The following KCNH7 variants were observed in gnomAD, a reference collection of about 807,000 sequenced individuals.
KCNH7 encodes the protein voltage-gated inwardly rectifying potassium channel KCNH7.
KCNH7 carries 49 observed loss-of-function variants against 120.8 expected under a neutral mutation model. The ratio of observed to expected loss-of-function variants is 0.41; its 90% CI spans 0.32 to 0.51. KCNH7 has a LOEUF of 0.51. Among genes scored for constraint, KCNH7 ranks in the 20% least tolerant of loss-of-function variants. The pLI is 0.38. For missense variants in KCNH7, 1,097 were observed against 1,446.6 expected, an observed-to-expected ratio of 0.76 and a Z score of 3.92; for synonymous variants, 547 against 516.1, an observed-to-expected ratio of 1.06 and a Z score of -0.81.
At position 162,568,170 on chromosome 2, in the gene KCNH7, C is replaced by A. The variant is rs1048675144; in HGVS notation, c.308-31090G>T. On this transcript the variant is annotated intron_variant, in intron 2 of 15. Coordinates refer to ENST00000332142, the MANE Select transcript of KCNH7 (RefSeq NM_033272.4). ...CCAGACTCTCATAAAGCCATCAGAT[C>A]CTGTGTGACTCACTCACTATCACGA... Among the ~76,000 whole-genome samples, 12 of 151,934 alleles carry A rather than the reference C, an allele frequency of 7.9e-5. No individual in the cohort carries two copies. The South Asian group carries it at 8.3e-4, about 11-fold the overall frequency.
At chr2:162,706,178 C>T (rs1686694544) in intron 2 of KCNH7, among the ~76,000 whole-genome samples, 1 of 152,090 alleles carries the variant, frequency 6.6e-6, no homozygotes, top group African/African-American at 2.4e-5. Context: ...GATGTCTTAG[C>T]CAACCTAGTA....
chr2:162,624,152 T>C (rs1053917897), intron 2 of KCNH7, among the ~76,000 whole-genome samples: 2 of 152,156 alleles, frequency 1.3e-5, no homozygotes, highest in African/African-American at 4.8e-5. Context: ...CATGACTCAA[T>C]GACCCAGGAT....
chr2:162,377,393 G>A (rs766332168), intron 14 of KCNH7, among the ~76,000 whole-genome samples: 16 of 152,230 alleles, frequency 1.1e-4, no homozygotes, highest in Non-Finnish European at 2.1e-4. Context: ...ATTTATATGG[G>A]AATACGCAAC....
chr2:162,813,633 C>G (rs1267536791), intron 2 of KCNH7, among the ~76,000 whole-genome samples: 3 of 152,192 alleles, frequency 2.0e-5, no homozygotes, highest in African/African-American at 7.2e-5. Flanking sequence ...ACAATTCACT[C>G]AAATTTCTAC....
chr2:162,757,333 A>G (rs1425500318), intron 2 of KCNH7, among the ~76,000 whole-genome samples: 12 of 152,178 alleles, frequency 7.9e-5, no homozygotes, highest in Admixed American at 7.9e-4. Flanking sequence ...CCCAACATGT[A>G]TTGAAAAAGC....
At chr2:162,388,658 A>G (rs1275154270) in intron 12 of KCNH7, among the ~76,000 whole-genome samples, 1 of 151,964 alleles carries the variant, frequency 6.6e-6, no homozygotes, top group Non-Finnish European at 1.5e-5. Flanking sequence ...TAATAAAACC[A>G]GAATAGAATT....
At chr2:162,670,136 A>G (rs957070921) in intron 2 of KCNH7, among the ~76,000 whole-genome samples, 1 of 151,472 alleles carries the variant, frequency 6.6e-6, no homozygotes, top group Non-Finnish European at 1.5e-5. Flanking sequence ...TTGACTCCCA[A>G]AAGAATGTTT....
intron 13 of KCNH7, among the ~76,000 whole-genome samples, chr2:162,384,275 G>C (rs1686509961): frequency 6.6e-6 from 1 of 151,900 alleles, no homozygotes; most frequent in Non-Finnish European, 1.5e-5. Context: ...ATGTATTATA[G>C]TGTGATTGCA....
chr2:162,443,968 G>T (rs1223878843), intron 7 of KCNH7, among the ~76,000 whole-genome samples: 1 of 152,152 alleles, frequency 6.6e-6, no homozygotes, highest in African/African-American at 2.4e-5. Flanking sequence ...TGTGTGAAAT[G>T]CTCTGCACGG....
chr2:162,769,171 A>G (rs1682942604), intron 2 of KCNH7, among the ~76,000 whole-genome samples: 1 of 152,182 alleles, frequency 6.6e-6, no homozygotes, highest in East Asian at 1.9e-4. Flanking sequence ...TCTGTGATCT[A>G]CAAAGTATCT....
chr2:162,373,547 GTC>G lies in KCNH7; in HGVS notation c.3245_3246del (p.Arg1082ThrfsTer18), dbSNP rs1686044553. Reference sequence around the variant, plus strand: ...CTGGTTCTCATCAGCTGGATGATGGGTCTCTGATATTCTGATCCTGCTGTTAC... The same window carrying G: ...CTGGTTCTCATCAGCTGGATGATGGGTCTGATATTCTGATCCTGCTGTTAC... ...SMVTAGSEYQRPIIQLMRTSQ... is the reference protein window; with the variant it reads ...SMVTAGSEYQXPIIQLMRTSQ... On this transcript the variant is annotated frameshift_variant, in exon 15 of 16. Coordinates refer to ENST00000332142, the MANE Select transcript of KCNH7 (RefSeq NM_033272.4). LOFTEE classifies it high-confidence loss of function. 1 of 1,592,414 alleles carries G rather than the reference GTC, an allele frequency of 6.3e-7. No individual in the cohort carries two copies. The highest frequency in any genetic ancestry group is 1.8e-5 in the Admixed American group (1 of 56,674).
chr2:162,651,508 T>A (rs767585019), intron 2 of KCNH7, among the ~76,000 whole-genome samples: 1 of 152,176 alleles, frequency 6.6e-6, no homozygotes, highest in African/African-American at 2.4e-5. Context: ...GATAATAGCC[T>A]CCAGCTCCAT....
chr2:162,382,861 G>C (rs1320695721), intron 13 of KCNH7, among the ~76,000 whole-genome samples: 1 of 151,922 alleles, frequency 6.6e-6, no homozygotes, highest in African/African-American at 2.4e-5. Context: ...GGCTAACCAT[G>C]TGTTACACTG....
At chr2:162,640,172 A>C (rs993354031) in intron 2 of KCNH7, among the ~76,000 whole-genome samples, 7 of 152,170 alleles carry the variant, frequency 4.6e-5, no homozygotes, top group Non-Finnish European at 1.0e-4. Flanking sequence ...CCAGCAAAAT[A>C]TTTTTTATGT....
At chr2:162,719,792 T>A (rs1687259873) in intron 2 of KCNH7, among the ~76,000 whole-genome samples, 1 of 151,916 alleles carries the variant, frequency 6.6e-6, no homozygotes, top group Admixed American at 6.6e-5. Flanking sequence ...ATAAACAAAA[T>A]AACCTCTCCT....
chr2:162,641,603 T>C lies in KCNH7; in HGVS notation c.308-104523A>G, dbSNP rs767924984. On this transcript the variant is annotated intron_variant, in intron 2 of 15. Transcript: ENST00000332142. ...ATATTATTCCTCTTACACAACATTC[T>C]TGAAATGACAGAATTACAGAAGTGA... 5.6e-4 allele frequency among the ~76,000 whole-genome samples: 85 copies of C among 152,072 alleles called. 1 individual carries two copies. The highest frequency in any genetic ancestry group is 2.1e-4 in the Non-Finnish European group (14 of 68,008).
intron 6 of KCNH7, among the ~76,000 whole-genome samples, chr2:162,462,208 T>A (rs957291615): frequency 6.6e-6 from 1 of 152,030 alleles, no homozygotes; most frequent in Admixed American, 6.6e-5. Context: ...ACACTACCCA[T>A]GGGAATTCCA....
At chr2:162,423,610 T>C (rs929509581) in intron 8 of KCNH7, 75 bp from the exon 9 acceptor site, 8 of 1,342,872 alleles carry the variant, frequency 6.0e-6, no homozygotes, top group African/African-American at 5.8e-5. Flanking sequence ...GTATCAAGCA[T>C]GTGGATTTTG....
At chr2:162,827,454 G>A (rs1685327169) in intron 2 of KCNH7, among the ~76,000 whole-genome samples, 1 of 152,080 alleles carries the variant, frequency 6.6e-6, no homozygotes, top group African/African-American at 2.4e-5. Context: ...GAGTAAAAGA[G>A]AATGCCATTT....
Sources: gnomAD v4.1 joint callset for allele counts (sites outside exome capture counted in the v4.1 genomes callset) on GRCh38, gnomAD v4.1.1 for gene constraint, MANE v1.5 for transcripts, NCBI Gene and HGNC (gene_info 2026-07-23, HGNC 2026-07-21) for gene names.